Variants in ERICH6B observed in about 807,000 individuals in gnomAD.
ERICH6B encodes glutamate-rich protein 6B.
A neutral mutation model predicts 80.0 loss-of-function variants in ERICH6B; 69 were observed. That is an observed-to-expected ratio of 0.86 (90% CI 0.71 to 1.05). The LOEUF (loss-of-function observed/expected upper bound fraction) is 1.05, where lower values mean the gene tolerates loss of function less well. Ranked by LOEUF, ERICH6B falls within the 50% of genes least tolerant of loss-of-function variation. The pLI, the probability that ERICH6B is intolerant of heterozygous loss-of-function variation, is 0.00. For synonymous variants in ERICH6B, 283 were observed against 291.9 expected (o/e 0.97, Z 0.31); for missense variants, 754 against 796.1 (o/e 0.95, Z 0.64).
At chr13:45,554,266 G>T (rs927678718) in intron 11 of ERICH6B, among the ~76,000 whole-genome samples, 4 of 152,050 alleles carry the variant, frequency 2.6e-5, no homozygotes, top group Non-Finnish European at 5.9e-5. Flanking sequence ...TCCTCTCCAG[G>T]TTCATCCATG....
At chr13:45,572,082 G>T (rs1314458365) in intron 8 of ERICH6B, among the ~76,000 whole-genome samples, 1 of 152,252 alleles carries the variant, frequency 6.6e-6, no homozygotes, top group Non-Finnish European at 1.5e-5. Context: ...TCTCCCAGGA[G>T]ACCTAGATTG....
At chr13:45,575,348 C>T (rs1005589049) in intron 7 of ERICH6B, among the ~76,000 whole-genome samples, 14 of 152,160 alleles carry the variant, frequency 9.2e-5, no homozygotes, top group Admixed American at 7.9e-4. Flanking sequence ...ATGTTTGACA[C>T]ATGGCAGGGG....
At chr13:45,550,377 C>T (rs1874172467) in intron 11 of ERICH6B, 61 bp from the exon 12 acceptor site, 1 of 1,377,934 alleles carries the variant, frequency 7.3e-7, no homozygotes, top group African/African-American at 1.4e-5. Flanking sequence ...AACTGTCCTA[C>T]TGCAGAGCAC....
Position 45,596,909 on chromosome 13 carries a change from C to A in ERICH6B, c.97G>T (p.Asp33Tyr), listed in dbSNP as rs1319515882. 1.9e-6 allele frequency: 3 copies of A among 1,551,810 alleles called. No homozygotes were observed. The highest frequency in any genetic ancestry group is 2.6e-6 in the Non-Finnish European group (3 of 1,147,022). ...TCCTCATCTAGTTCTACTTCAGTAT[C>A]CTCTTTCTCTGAAGGCAAGTTCTGT... ...STQNLPSEKE[D>Y]TEVELDEESL... The change falls in exon 3 of 15, where the codon GAT (aspartate) becomes TAT (tyrosine). Residue 33 changes from aspartate to tyrosine, a missense_variant. Coordinates refer to ENST00000298738, the MANE Select transcript of ERICH6B (RefSeq NM_182542.3).
At chr13:45,580,801 G>A (rs1454100694) in intron 5 of ERICH6B, 136 bp from the exon 6 acceptor site, 3 of 789,984 alleles carry the variant, frequency 3.8e-6, no homozygotes, top group Non-Finnish European at 6.1e-6. Context: ...AACTGAGGCT[G>A]GCGGCACAGC....
chr13:45,574,661 T>G (rs1875305311), intron 8 of ERICH6B, among the ~76,000 whole-genome samples, 181 bp downstream of exon 8: 1 of 152,202 alleles, frequency 6.6e-6, no homozygotes, highest in South Asian at 2.1e-4. Context: ...CTTTTCTGTC[T>G]GTGCTTGTTG....
chr13:45,551,409 T>C (rs1013606754), intron 11 of ERICH6B: 1 of 152,224 alleles, frequency 6.6e-6, no homozygotes, highest in African/African-American at 2.4e-5. Context: ...TTTGTCTTTC[T>C]TCTTCTTCAA....
At chr13:45,606,547 A>ATATATATT (rs1949866973) in intron 2 of ERICH6B, among the ~76,000 whole-genome samples, 2 of 16,610 alleles carry the variant, frequency 1.2e-4, no homozygotes, top group African/African-American at 3.6e-4. Flanking sequence ...ATATATATAT[A>ATATATATT]TTTTTTTTTT....
At chr13:45,580,100 G>T in intron 6 of ERICH6B, 126 bp from the exon 7 acceptor site, 1 of 804,724 alleles carries the variant, frequency 1.2e-6, no homozygotes, top group Non-Finnish European at 2.0e-6. Context: ...AGGGTGGAGT[G>T]CCTGTGTTTT....
chr13:45,605,654 G>A (rs960542770), intron 2 of ERICH6B, among the ~76,000 whole-genome samples: 1 of 152,216 alleles, frequency 6.6e-6, no homozygotes, highest in South Asian at 2.1e-4. Flanking sequence ...TTGGAGGAGA[G>A]CCCTCCTCAG....
In ERICH6B at chr13:45,596,744, T is replaced by C. The variant is rs878906104; in HGVS notation, c.262A>G (p.Lys88Glu). The change falls in exon 3 of 15, where the codon AAG (lysine) becomes GAG (glutamate). Residue 88 changes from lysine (K) to glutamate (E), a missense_variant. By Grantham distance (56) the Lys-to-Glu change is moderately conservative. Coordinates refer to ENST00000298738, the MANE Select transcript of ERICH6B (RefSeq NM_182542.3). ...EYLKEEEYLG[K>E]EEHLEEEEYL... is the part of the protein sequence containing the mutation. ...TCTTCCTCCTCCAGATGCTCTTCCT[T>C]CCCCAGATACTCTTCCTCCTTCAAG... 6 of 1,551,378 alleles carry C rather than the reference T, an allele frequency of 3.9e-6. No homozygotes were observed. In the African/African-American group the frequency reaches 8.2e-5, roughly 21 times the overall value.
At chr13:45,597,120 T>C (rs1207474503) in intron 2 of ERICH6B, 57 bp from the exon 3 acceptor site, 5 of 1,194,038 alleles carry the variant, frequency 4.2e-6, no homozygotes, top group Non-Finnish European at 5.8e-6. Flanking sequence ...TGCATATTGA[T>C]TTAATTCCAT....
At chr13:45,549,784 A>G in intron 13 of ERICH6B, 109 bp downstream of exon 13, 1 of 1,248,796 alleles carries the variant, frequency 8.0e-7, no homozygotes, top group Non-Finnish European at 1.1e-6. Flanking sequence ...CCCATTTCCA[A>G]CATGTGTAAC....
At chr13:45,606,529 ATATATATATATATATATATTTTTT>A (rs1364705695) in intron 2 of ERICH6B, among the ~76,000 whole-genome samples, 49 of 23,106 alleles carry the variant, frequency 2.1e-3, no homozygotes, top group East Asian at 7.7e-3. Flanking sequence ...ATATATATAT[ATATATATATATATATATATTTTTT>A]TTTTTTTTTT....
chr13:45,557,183 ATCAC>A (rs1874477050), intron 11 of ERICH6B, among the ~76,000 whole-genome samples: 2 of 152,010 alleles, frequency 1.3e-5, no homozygotes, highest in Non-Finnish European at 2.9e-5. Flanking sequence ...CATTTCCCTG[ATCAC>A]TAGTGATGTT....
chr13:45,545,709 A>C (rs1478405429), intron 13 of ERICH6B, among the ~76,000 whole-genome samples: 1 of 152,172 alleles, frequency 6.6e-6, no homozygotes, highest in Non-Finnish European at 1.5e-5. Context: ...ACCCTGTCCC[A>C]CCAGCCCCAG....
chr13:45,579,691 C>T (rs1251482804), intron 7 of ERICH6B, among the ~76,000 whole-genome samples: 1 of 152,134 alleles, frequency 6.6e-6, no homozygotes, highest in African/African-American at 2.4e-5. Flanking sequence ...GTCCCTATCC[C>T]AAGCTTTTGA....
chr13:45,606,529 ATATATATATATATATATATTTTT>A (rs1566307788), intron 2 of ERICH6B, among the ~76,000 whole-genome samples: 446 of 23,092 alleles, frequency 0.019, 20 homozygotes, highest in African/African-American at 0.041. Flanking sequence ...ATATATATAT[ATATATATATATATATATATTTTT>A]TTTTTTTTTT....
chr13:45,579,862 G>A, intron 7 of ERICH6B, 71 bp downstream of exon 7: 1 of 1,475,204 alleles, frequency 6.8e-7, no homozygotes, highest in Non-Finnish European at 9.3e-7. Context: ...CCACCTGCTA[G>A]GGGCACCTTC....
Sources: allele counts gnomAD v4.1 joint callset (sites outside exome capture counted in the v4.1 genomes callset), GRCh38; gene constraint gnomAD v4.1.1; transcripts MANE v1.5; gene names NCBI Gene and HGNC (gene_info 2026-07-23, HGNC 2026-07-21).